The following MTCL3 variants were observed in gnomAD, a reference collection of about 807,000 sequenced individuals.
MTCL3 encodes microtubule cross-linking factor 3.
At chr6:127,513,509 T>C in the MTCL3 span, among the ~76,000 whole-genome samples, 1 of 152,196 alleles carries the variant, frequency 6.6e-6, no homozygotes, top group African/African-American at 2.4e-5. Flanking sequence ...GAATGAAAAA[T>C]TGAAGTTTTT....
the MTCL3 span, among the ~76,000 whole-genome samples, chr6:127,496,746 AG>A: frequency 6.6e-6 from 1 of 152,242 alleles, no homozygotes. Context: ...AATTTACAAA[AG>A]GAATGAACTA....
the MTCL3 span, among the ~76,000 whole-genome samples, chr6:127,498,592 G>A: frequency 6.6e-6 from 1 of 152,052 alleles, no homozygotes; most frequent in Non-Finnish European, 1.5e-5. Context: ...CTACCCAAGA[G>A]AAATGAAAAC....
the MTCL3 span, among the ~76,000 whole-genome samples, chr6:127,482,188 A>G: frequency 6.6e-6 from 1 of 152,068 alleles, no homozygotes; most frequent in Non-Finnish European, 1.5e-5. This position sits in a 1 kb window ranked among gnomAD's most constrained non-coding sequence, Gnocchi z 4.1. Flanking sequence ...ACTTTACTCT[A>G]TGGGCTCGCC....
At chr6:127,502,480 T>C in the MTCL3 span, among the ~76,000 whole-genome samples, 1 of 152,186 alleles carries the variant, frequency 6.6e-6, no homozygotes, top group African/African-American at 2.4e-5. Flanking sequence ...ACAGGCCTAG[T>C]GGAAGAGGCA....
chr6:127,515,165 G>A, the MTCL3 span: 1 of 939,132 alleles, frequency 1.1e-6, no homozygotes, highest in South Asian at 1.5e-5. This position sits in a 1 kb window ranked among gnomAD's most constrained non-coding sequence, Gnocchi z 4.3. Flanking sequence ...CTCTCTCCAC[G>A]AGACAGGAGT....
chr6:127,489,558 A>C, the MTCL3 span, among the ~76,000 whole-genome samples: 1 of 152,256 alleles, frequency 6.6e-6, no homozygotes, highest in Admixed American at 6.5e-5. Context: ...AAATAAATTA[A>C]AAGTGCCACT....
At chr6:127,490,187 A>G in the MTCL3 span, among the ~76,000 whole-genome samples, 731 of 152,320 alleles carry the variant, frequency 4.8e-3, 5 homozygotes, top group African/African-American at 0.016. Flanking sequence ...ATCTCAATTT[A>G]CAGCACAGTT....
the MTCL3 span, among the ~76,000 whole-genome samples, chr6:127,517,046 G>T: frequency 6.6e-6 from 1 of 152,296 alleles, no homozygotes; most frequent in Non-Finnish European, 1.5e-5. Context: ...AGAAGCTTCA[G>T]AAAGAAAAGA....
At chr6:127,519,076 G>C in the MTCL3 span, 1 of 152,194 alleles carries the variant, frequency 6.6e-6, no homozygotes, top group Non-Finnish European at 1.5e-5. Flanking sequence ...GCGGGATAAA[G>C]AGACAAAAAG....
chr6:127,514,770 A>G, the MTCL3 span: 38 of 1,501,864 alleles, frequency 2.5e-5, no homozygotes, highest in Non-Finnish European at 3.4e-5. Flanking sequence ...CCCTTGGCCA[A>G]AGTCCCCACC....
chr6:127,502,579 A>G, the MTCL3 span, among the ~76,000 whole-genome samples: 1 of 152,242 alleles, frequency 6.6e-6, no homozygotes, highest in Non-Finnish European at 1.5e-5. Context: ...TCATGAAAAA[A>G]TGGAAAGAAA....
At chr6:127,498,522 T>C in the MTCL3 span, among the ~76,000 whole-genome samples, 1 of 152,276 alleles carries the variant, frequency 6.6e-6, no homozygotes, top group Admixed American at 6.5e-5. Context: ...CAGTTGGCAG[T>C]TTCTTTAAAA....
chr6:127,480,405 T>A, the MTCL3 span, among the ~76,000 whole-genome samples: 33 of 152,228 alleles, frequency 2.2e-4, no homozygotes, highest in African/African-American at 7.2e-4. Flanking sequence ...TCTCTGTAAA[T>A]AAAGTCACTG....
chr6:127,473,826 G>A, the MTCL3 span, among the ~76,000 whole-genome samples: 3,928 of 152,234 alleles, frequency 0.026, 123 homozygotes, highest in African/African-American at 0.075. Context: ...ATGGATACAG[G>A]ACACCAGGCT....
chr6:127,513,066 G>T, the MTCL3 span: 17 of 1,586,562 alleles, frequency 1.1e-5, no homozygotes, highest in African/African-American at 5.4e-5. Context: ...TAAGGTGTTT[G>T]TAACAATAAA....
chr6:127,474,892 C>T, the MTCL3 span, among the ~76,000 whole-genome samples: 16 of 152,274 alleles, frequency 1.1e-4, no homozygotes, highest in African/African-American at 3.9e-4. Context: ...GGCTCAAAAA[C>T]CACATATCAG....
the MTCL3 span, chr6:127,482,995 G>T: frequency 6.3e-7 from 1 of 1,590,588 alleles, no homozygotes; most frequent in Non-Finnish European, 8.6e-7. This position sits in a 1 kb window ranked among gnomAD's most constrained non-coding sequence, Gnocchi z 4.1. Context: ...CTGAAACAAA[G>T]CATGAATATA....
chr6:127,514,775 C>T, the MTCL3 span: 1 of 1,533,390 alleles, frequency 6.5e-7, no homozygotes, highest in Admixed American at 1.8e-5. Context: ...GGCCAAAGTC[C>T]CCACCCACCG....
chr6:127,494,980 G>A, the MTCL3 span, among the ~76,000 whole-genome samples: 1 of 152,034 alleles, frequency 6.6e-6, no homozygotes, highest in African/African-American at 2.4e-5. Context: ...GGCAGACCAC[G>A]AGGTCAGGAG....
Sources: allele counts gnomAD v4.1 joint callset (sites outside exome capture counted in the v4.1 genomes callset), GRCh38; gene constraint gnomAD v4.1.1; non-coding constraint Gnocchi (gnomAD v3.1); transcripts MANE v1.5; gene names NCBI Gene and HGNC (gene_info 2026-07-23, HGNC 2026-07-21).